ZC3H12B: variants seen among roughly 807,000 people sequenced by gnomAD.
ZC3H12B encodes the protein probable ribonuclease ZC3H12B.
ZC3H12B carries 7 observed loss-of-function variants against 43.9 expected under a neutral mutation model. The ratio of observed to expected loss-of-function variants is 0.16; its 90% CI spans 0.09 to 0.30. The LOEUF is 0.30. Ranked by LOEUF, ZC3H12B falls within the 10% of genes least tolerant of loss-of-function variation. The pLI is 1.00. For synonymous variants in ZC3H12B, 222 were observed against 241.7 expected, an observed-to-expected ratio of 0.92 and a Z score of 0.76; for missense variants, 475 against 670.2, an observed-to-expected ratio of 0.71 and a Z score of 3.22.
chrX:65,245,694 TC>T, the ZC3H12B span, among the ~76,000 whole-genome samples: 1 of 111,493 alleles, frequency 9.0e-6, no homozygotes, highest in Non-Finnish European at 1.9e-5. Flanking sequence ...GGACCATACC[TC>T]AAAATAGTAA....
At chrX:65,447,417 T>G (rs1463703058) in intron 3 of ZC3H12B, among the ~76,000 whole-genome samples, 2 of 111,607 alleles carry the variant, frequency 1.8e-5, no homozygotes, top group Non-Finnish European at 3.8e-5. Context: ...TCTCTATCTC[T>G]GAACATCTAC....
the ZC3H12B span, among the ~76,000 whole-genome samples, chrX:65,049,242 C>T: frequency 9.0e-6 from 1 of 111,046 alleles, no homozygotes; most frequent in Non-Finnish European, 1.9e-5. Context: ...AAAAATCATT[C>T]CCAAGACTGA....
chrX:65,138,364 A>G, the ZC3H12B span, among the ~76,000 whole-genome samples: 2 of 111,505 alleles, frequency 1.8e-5, no homozygotes, highest in East Asian at 5.7e-4. Flanking sequence ...TATTTTATTT[A>G]ACATTGTGTC....
the ZC3H12B span, among the ~76,000 whole-genome samples, chrX:65,184,715 T>C: frequency 9.0e-6 from 1 of 111,519 alleles, no homozygotes; most frequent in Non-Finnish European, 1.9e-5. Context: ...AAAGAGATCT[T>C]ACTAGAGAAA....
At chrX:65,502,124 C>T (rs375421440) in exon 5 of ZC3H12B, 32 of 1,209,583 alleles carry the variant, frequency 2.6e-5, no homozygotes, top group Middle Eastern at 2.3e-4. Context: ...CACAATCCCA[C>T]CCCCCAAAAG....
the ZC3H12B span, among the ~76,000 whole-genome samples, chrX:65,124,779 G>C: frequency 9.0e-6 from 1 of 110,721 alleles, no homozygotes; most frequent in African/African-American, 3.3e-5. Flanking sequence ...ATGTAAAGGT[G>C]TTAATAGTAG....
chrX:65,506,180 C>G, exon 5 of ZC3H12B: 1 of 112,257 alleles, frequency 8.9e-6, no homozygotes, highest in Non-Finnish European at 1.9e-5. Flanking sequence ...CACTGCACAG[C>G]TATCATGTGT....
At chrX:65,454,024 C>T (rs946748562) in intron 3 of ZC3H12B, among the ~76,000 whole-genome samples, 2 of 111,669 alleles carry the variant, frequency 1.8e-5, no homozygotes, top group Non-Finnish European at 3.8e-5. Flanking sequence ...CCAAGATGGC[C>T]GAATAGGAAC....
At chrX:65,401,485 A>G (rs2066761776) in intron 3 of ZC3H12B, among the ~76,000 whole-genome samples, 1 of 111,805 alleles carries the variant, frequency 8.9e-6, no homozygotes, top group Non-Finnish European at 1.9e-5. Context: ...ATCTCTAAGT[A>G]AACCTGAAAA....
At chrX:65,221,420 AAG>A in the ZC3H12B span, among the ~76,000 whole-genome samples, 1 of 111,895 alleles carries the variant, frequency 8.9e-6, no homozygotes, top group Non-Finnish European at 1.9e-5. Flanking sequence ...GTTCTTAGAA[AAG>A]ATAAAATTGA....
intron 2 of ZC3H12B, among the ~76,000 whole-genome samples, chrX:65,389,345 G>A (rs890852721): frequency 3.6e-4 from 40 of 112,082 alleles, no homozygotes; most frequent in African/African-American, 7.4e-4. Flanking sequence ...GCAGGCACCC[G>A]TCCCCCAGCC....
chrX:65,133,836 C>T, the ZC3H12B span, among the ~76,000 whole-genome samples: 1 of 109,741 alleles, frequency 9.1e-6, no homozygotes, highest in Non-Finnish European at 1.9e-5. Flanking sequence ...GAAAGATTTG[C>T]GATGAGTCAC....
At chrX:65,166,421 C>A in the ZC3H12B span, among the ~76,000 whole-genome samples, 1 of 111,906 alleles carries the variant, frequency 8.9e-6, no homozygotes, top group Admixed American at 9.5e-5. Flanking sequence ...ATATGTGCCA[C>A]ATTTTCTTAA....
intron 3 of ZC3H12B, among the ~76,000 whole-genome samples, chrX:65,468,455 A>G (rs929003970): frequency 8.5e-5 from 9 of 105,418 alleles, no homozygotes; most frequent in African/African-American, 2.4e-4. Flanking sequence ...TTGATTCCAC[A>G]TGAATTTTAG....
chrX:65,117,523 C>A, the ZC3H12B span, among the ~76,000 whole-genome samples: 1 of 111,740 alleles, frequency 8.9e-6, no homozygotes, highest in East Asian at 2.8e-4. Flanking sequence ...CCTGTTCACT[C>A]TGATGGTAGT....
chrX:65,336,250 A>T, the ZC3H12B span, among the ~76,000 whole-genome samples: 1 of 112,793 alleles, frequency 8.9e-6, no homozygotes, highest in Non-Finnish European at 1.9e-5. Flanking sequence ...CCTGACTGAT[A>T]AGAAATTCAT....
chrX:65,079,536 G>T, the ZC3H12B span, among the ~76,000 whole-genome samples: 2 of 112,444 alleles, frequency 1.8e-5, no homozygotes, highest in Admixed American at 1.9e-4. Context: ...TGCAGGAAGA[G>T]ACTCTGTGTG....
chrX:65,400,535 TA>T (rs1403250930), intron 3 of ZC3H12B, among the ~76,000 whole-genome samples: 1 of 112,114 alleles, frequency 8.9e-6, no homozygotes, highest in Non-Finnish European at 1.9e-5. Flanking sequence ...TCACCTTTTT[TA>T]TGCTTGTAAA....
intron 3 of ZC3H12B, among the ~76,000 whole-genome samples, chrX:65,415,297 C>T (rs903647125): frequency 8.9e-6 from 1 of 112,582 alleles, no homozygotes; most frequent in Admixed American, 9.4e-5. Context: ...AATTACCCAA[C>T]TTTGTTAATT....
Sources: gnomAD v4.1 joint callset for allele counts (sites outside exome capture counted in the v4.1 genomes callset) on GRCh38, gnomAD v4.1.1 for gene constraint, MANE v1.5 for transcripts, NCBI Gene and HGNC (gene_info 2026-07-23, HGNC 2026-07-21) for gene names.